The following MFSD11 variants were observed in gnomAD, a reference collection of about 807,000 sequenced individuals.
The protein encoded by MFSD11 is UNC93-like protein MFSD11.
In MFSD11, 36 loss-of-function variants were observed where a neutral mutation model predicts 53.5. The ratio of observed to expected loss-of-function variants is 0.67; its 90% CI spans 0.52 to 0.89. The LOEUF (loss-of-function observed/expected upper bound fraction) is 0.89. Ranked by LOEUF, MFSD11 falls within the 40% of genes least tolerant of loss-of-function variation. MFSD11 has a pLI of 0.00. For synonymous variants in MFSD11, 186 were observed against 184.9 expected, an observed-to-expected ratio of 1.01 and a Z score of -0.05; for missense variants, 530 against 543.9, an observed-to-expected ratio of 0.97 and a Z score of 0.25.
intron 9 of MFSD11, among the ~76,000 whole-genome samples, chr17:76,767,962 G>A (rs2081011435): frequency 6.6e-6 from 1 of 152,168 alleles, no homozygotes; most frequent in African/African-American, 2.4e-5. Flanking sequence ...GCAATGCAGA[G>A]CGCTACAGAA....
Position 76,776,496 on chromosome 17 carries a change from T to C in MFSD11, c.1140T>C (p.Tyr380=). 1 of 1,614,180 alleles carries C rather than the reference T, an allele frequency of 6.2e-7. No homozygotes were observed. The highest frequency in any genetic ancestry group is 8.5e-7 in the Non-Finnish European group (1 of 1,180,032). The change falls in exon 12 of 13, where the codon TAT becomes TAC. Residue 380 remains tyrosine, a synonymous_variant. Coordinates refer to ENST00000685175, the MANE Select transcript of MFSD11 (RefSeq NM_001242532.5). The surrounding 1 kb of genome is among the most constrained non-coding windows in gnomAD (Gnocchi z 4.2). ...TGCTTAGTATCTTGGGCTTTCTGTA[T>C]TCTGAAGACAGCGCCCCAGCATTTG... ...TQLLSILGFL[Y]SEDSAPAFAI...
intron 7 of MFSD11, among the ~76,000 whole-genome samples, chr17:76,746,129 A>T (rs903278416): frequency 1.3e-5 from 2 of 152,254 alleles, no homozygotes; most frequent in Non-Finnish European, 2.9e-5. Context: ...ACGAATGATA[A>T]GAAAGTGAAA....
intron 7 of MFSD11, among the ~76,000 whole-genome samples, chr17:76,746,484 G>T (rs2078552235): frequency 6.6e-6 from 1 of 152,200 alleles, no homozygotes; most frequent in Non-Finnish European, 1.5e-5. Flanking sequence ...TACATTAAAA[G>T]ATGCCATCTA....
chr17:76,766,803 T>C (rs2080892660), intron 8 of MFSD11, among the ~76,000 whole-genome samples: 1 of 152,344 alleles, frequency 6.6e-6, no homozygotes, highest in East Asian at 1.9e-4. Flanking sequence ...ATGTGGAGTT[T>C]TTAGAAATGC....
rs2081687233 is a variant in MFSD11, at chr17:76,775,002, A to G, written c.880A>G (p.Ser294Gly). ...TCTGCCATCTTGACTTATAGGTGGA[A>G]GCCTCTTCGGCCTGCTGAGCAAGAA... The part of the protein sequence containing the change: ...FIGIGEILGG[S>G]LFGLLSKNNR... Residue 294 changes from serine (S) to glycine (G), a missense_variant, in exon 11 of 13, where the codon AGC becomes GGC. Transcript: ENST00000685175. The G allele has an allele frequency of 6.2e-7, 1 of 1,613,372 alleles. No homozygotes were observed. The highest frequency in any genetic ancestry group is 1.7e-5 in the Admixed American group (1 of 59,902).
intron 8 of MFSD11, among the ~76,000 whole-genome samples, chr17:76,765,092 G>C (rs946549121): frequency 6.6e-6 from 1 of 152,116 alleles, no homozygotes; most frequent in African/African-American, 2.4e-5. Flanking sequence ...CCCAGGTCCT[G>C]AAAATTTACT....
rs1450375142 is a variant in MFSD11 at position 76,753,976 on chromosome 17, A to G, written c.642-71A>G. The G allele has an allele frequency of 3.8e-6, 5 of 1,317,396 alleles. No homozygotes were observed. In the Admixed American group the frequency reaches 7.8e-5, roughly 21 times the overall value. The allele number at this position is 1,317,396 out of a possible 1,614,324, so 81.6% of individuals were successfully genotyped here. ...ACAGGGTTTTTACGAACGTAAATGA[A>G]AATGTGATCGTATGTTTGTTCTTTT... On this transcript the variant is annotated intron_variant, in intron 7 of 12. Transcript: ENST00000685175.
chr17:76,757,504 TTAA>T (rs2079771585), intron 8 of MFSD11, among the ~76,000 whole-genome samples: 1 of 152,170 alleles, frequency 6.6e-6, no homozygotes, highest in Non-Finnish European at 1.5e-5. Context: ...CATTTATTAA[TTAA>T]TCATGACATT....
intron 8 of MFSD11, among the ~76,000 whole-genome samples, chr17:76,760,454 C>T (rs1284864147): frequency 6.6e-6 from 1 of 151,480 alleles, no homozygotes; most frequent in Admixed American, 6.6e-5. Context: ...AGAAGTGGAC[C>T]CCTGAAGTTC....
At chr17:76,793,083 C>T in the MFSD11 span, among the ~76,000 whole-genome samples, 10 of 151,390 alleles carry the variant, frequency 6.6e-5, no homozygotes, top group East Asian at 1.9e-4. Flanking sequence ...ACAGGATGGG[C>T]GAAATTAAAA....
intron 8 of MFSD11, among the ~76,000 whole-genome samples, chr17:76,756,880 A>G (rs976030096): frequency 1.4e-4 from 21 of 152,072 alleles, no homozygotes; most frequent in Non-Finnish European, 4.4e-5. Context: ...AAAAAAAAGA[A>G]TACCCATTAT....
At chr17:76,788,023 T>G in the MFSD11 span, among the ~76,000 whole-genome samples, 3 of 122,162 alleles carry the variant, frequency 2.5e-5, no homozygotes, top group East Asian at 2.0e-4. Flanking sequence ...TTGTTTGTGG[T>G]TTTTTTTTTG....
the MFSD11 span, among the ~76,000 whole-genome samples, chr17:76,793,126 T>C: frequency 6.6e-6 from 1 of 151,568 alleles, no homozygotes; most frequent in Middle Eastern, 3.4e-3. Context: ...GCATTGTCAT[T>C]GATAACATCT....
intron 8 of MFSD11, among the ~76,000 whole-genome samples, chr17:76,762,716 AAATAT>A (rs1364059281): frequency 6.6e-6 from 1 of 152,034 alleles, no homozygotes; most frequent in African/African-American, 2.4e-5. Context: ...TTTATTCAGT[AAATAT>A]TAATTGACAA....
chr17:76,751,161 C>T (rs563703465), intron 7 of MFSD11, among the ~76,000 whole-genome samples: 226 of 150,282 alleles, frequency 1.5e-3, no homozygotes, highest in African/African-American at 5.1e-3. Flanking sequence ...GAGGCCGAGG[C>T]GGGCGGGTCA....
rs1225684231 is a variant in MFSD11 at position 76,742,282 on chromosome 17, C to A, written c.437+9C>A. 1.2e-6 allele frequency: 2 copies of A among 1,603,858 alleles called. No homozygotes were observed. The highest frequency in any genetic ancestry group is 3.3e-5 in the Admixed American group (2 of 59,756). On this transcript the variant is annotated intron_variant, in intron 5 of 12. Coordinates refer to ENST00000685175, the MANE Select transcript of MFSD11 (RefSeq NM_001242532.5). ...GCACTTCTGCAGTCTAGGTAATTAT[C>A]CTTTTGAGGTTCAGTCTTTCCTTTT...
the MFSD11 span, among the ~76,000 whole-genome samples, chr17:76,802,156 A>G: frequency 6.6e-6 from 1 of 152,110 alleles, no homozygotes; most frequent in Non-Finnish European, 1.5e-5. Context: ...CTGTAATCCC[A>G]GCTTCTCGGA....
Position 76,741,973 on chromosome 17 carries a change from T to C in MFSD11, c.265T>C (p.Tyr89His). ...CCTTGACCTGTTATATTTTAGCATG[T>C]ACATTGCCGTTTTCATCCAGCCTTT... ...MFASGLFYSM[Y>H]IAVFIQPFPW... The change falls in exon 4 of 13, where the codon TAC becomes CAC. Residue 89 changes from tyrosine (Y) to histidine (H), a missense_variant. Physicochemically the swap from Tyr to His is moderately conservative, Grantham distance 83. Coordinates refer to ENST00000685175, the MANE Select transcript of MFSD11 (RefSeq NM_001242532.5). 1 of 1,614,200 alleles carries C rather than the reference T, an allele frequency of 6.2e-7. No homozygotes were observed. The highest frequency in any genetic ancestry group is 8.5e-7 in the Non-Finnish European group (1 of 1,180,020).
intron 7 of MFSD11, among the ~76,000 whole-genome samples, chr17:76,747,017 C>A (rs772958096): frequency 1.6e-5 from 2 of 128,244 alleles, no homozygotes; most frequent in African/African-American, 4.8e-5. Context: ...CAAGAGATTC[C>A]TCCTGCCTCA....
Sources: gnomAD v4.1 joint callset for allele counts (sites outside exome capture counted in the v4.1 genomes callset) on GRCh38, gnomAD v4.1.1 for gene constraint, Gnocchi (gnomAD v3.1) non-coding constraint, MANE v1.5 for transcripts, NCBI Gene and HGNC (gene_info 2026-07-23, HGNC 2026-07-21) for gene names.